OR51B5: variants seen among roughly 807,000 people sequenced by gnomAD.
OR51B5 encodes olfactory receptor 51B5.
For synonymous variants in OR51B5, 186 were observed against 144.8 expected (o/e 1.28, Z -2.04); for missense variants, 456 against 374.6 (o/e 1.22, Z -1.79).
At chr11:5,396,812 G>C (rs1849879507) in intron 1 of OR51B5, among the ~76,000 whole-genome samples, 1 of 152,000 alleles carries the variant, frequency 6.6e-6, no homozygotes, top group African/African-American at 2.4e-5. Flanking sequence ...TATACTACAA[G>C]GCTACAGTAA....
intron 1 of OR51B5, among the ~76,000 whole-genome samples, chr11:5,496,622 G>C (rs938739866): frequency 2.6e-5 from 4 of 152,196 alleles, no homozygotes; most frequent in African/African-American, 9.7e-5. Flanking sequence ...ATCCCAGCAA[G>C]AGGGGGAGCC....
Position 5,497,488 on chromosome 11 carries a change from G to C in OR51B5, n.84+8081C>G, listed in dbSNP as rs141301615. Among the ~76,000 whole-genome samples, 316 of 152,246 alleles carry C rather than the reference G, an allele frequency of 2.1e-3. 1 individual carries two copies. Among genetic ancestry groups the C allele is most frequent in the African/African-American group, 7.3e-3 (302 of 41,534 alleles). ...CACTATTGGTGATGTAGACCCCCAG[G>C]CTCTCTAAGGTTGATTGGGACACTC... On this transcript the variant is annotated intron_variant and non_coding_transcript_variant, in intron 1 of 4. Coordinates refer to the OR51B5 transcript ENST00000415970.
intron 1 of OR51B5, among the ~76,000 whole-genome samples, chr11:5,440,257 C>G (rs770845596): frequency 5.9e-5 from 9 of 152,070 alleles, no homozygotes; most frequent in African/African-American, 2.2e-4. Context: ...TCATTATTCC[C>G]GTATATGTCA....
rs143444369 is a variant in OR51B5 at position 5,490,158 on chromosome 11, C to T, written n.84+15411G>A. Among the ~76,000 whole-genome samples the T allele has an allele frequency of 1.6e-3, 240 of 152,230 alleles. 2 individuals are homozygous for T. The highest frequency in any genetic ancestry group is 2.8e-3 in the Admixed American group (42 of 15,270). ...GAGCATGTTTGAAATGTTTCTGTGCCTCAGTTTGGCCAACTGTTAAATGGG... is the reference window on the plus strand; with the variant it reads ...GAGCATGTTTGAAATGTTTCTGTGCTTCAGTTTGGCCAACTGTTAAATGGG... On this transcript the variant is annotated intron_variant and non_coding_transcript_variant, in intron 1 of 4. Transcript: ENST00000415970.
intron 1 of OR51B5, among the ~76,000 whole-genome samples, chr11:5,479,011 C>A (rs2133806709): frequency 6.6e-6 from 1 of 152,140 alleles, no homozygotes; most frequent in African/African-American, 2.4e-5. Context: ...ATACAGAGAA[C>A]ACCATAAAGA....
At chr11:5,364,341 G>C (rs572958046) in intron 1 of OR51B5, among the ~76,000 whole-genome samples, 3 of 152,104 alleles carry the variant, frequency 2.0e-5, no homozygotes, top group African/African-American at 7.2e-5. Flanking sequence ...TGATATGGAG[G>C]CAAGCCAAAT....
intron 1 of OR51B5, among the ~76,000 whole-genome samples, chr11:5,400,178 C>T (rs1849945393): frequency 6.6e-6 from 1 of 152,176 alleles, no homozygotes; most frequent in Non-Finnish European, 1.5e-5. Context: ...TACATTTTAA[C>T]ATAGCCCACA....
At chr11:5,341,410 G>A (rs1200267477), downstream of OR51B5, 1 of 152,168 alleles carries the variant, frequency 6.6e-6, no homozygotes. Context: ...ATTCACAGGT[G>A]CACAATTCTG....
chr11:5,453,359 G>A, intron 1 of OR51B5: 1 of 579,034 alleles, frequency 1.7e-6, no homozygotes, highest in Non-Finnish European at 2.8e-6. Context: ...GAATGCGTCA[G>A]TTTCCATTTA....
chr11:5,440,591 G>A (rs1257657409), intron 1 of OR51B5: 2 of 1,613,000 alleles, frequency 1.2e-6, no homozygotes, highest in South Asian at 1.1e-5. Flanking sequence ...ATTTATGGAA[G>A]AACTTGAGAA....
chr11:5,475,926 A>G (rs1397920593), intron 1 of OR51B5, among the ~76,000 whole-genome samples: 2 of 152,222 alleles, frequency 1.3e-5, no homozygotes, highest in Non-Finnish European at 2.9e-5. Context: ...ATCTAGATCC[A>G]TAGCAGCCTC....
chr11:5,418,091 T>C (rs1850269430), intron 1 of OR51B5, among the ~76,000 whole-genome samples: 1 of 151,080 alleles, frequency 6.6e-6, no homozygotes, highest in South Asian at 2.1e-4. Flanking sequence ...AATGATGAGT[T>C]CATGTCCTTT....
chr11:5,371,247 C>T (rs1478940664), intron 1 of OR51B5, among the ~76,000 whole-genome samples: 3 of 152,140 alleles, frequency 2.0e-5, no homozygotes, highest in African/African-American at 7.2e-5. Context: ...CAGCACCTTT[C>T]CCCGGATCTA....
intron 1 of OR51B5, among the ~76,000 whole-genome samples, chr11:5,438,643 A>C (rs962783382): frequency 6.6e-6 from 1 of 152,192 alleles, no homozygotes. Context: ...CCATTAAATG[A>C]GGGCATAAGT....
intron 1 of OR51B5, among the ~76,000 whole-genome samples, chr11:5,460,955 G>T (rs1195617980): frequency 6.6e-6 from 1 of 152,186 alleles, no homozygotes. Flanking sequence ...TGCACTGGAG[G>T]GGCCAAGGTG....
At chr11:5,349,318 C>T (rs567832116) in intron 1 of OR51B5, among the ~76,000 whole-genome samples, 2 of 151,732 alleles carry the variant, frequency 1.3e-5, no homozygotes, top group East Asian at 1.9e-4. Context: ...CAGTCCAATA[C>T]TTGACACACG....
intron 1 of OR51B5, among the ~76,000 whole-genome samples, chr11:5,485,323 C>A (rs767920141): frequency 3.3e-5 from 5 of 152,202 alleles, no homozygotes; most frequent in African/African-American, 4.8e-5. Context: ...AGAATTGAGG[C>A]AACGTTCAGA....
At chr11:5,340,864 A>T (rs142092280), downstream of OR51B5, 67 of 152,324 alleles carry the variant, frequency 4.4e-4, 1 homozygote, top group African/African-American at 1.4e-3. Context: ...GAATAAAATA[A>T]GTTGTGGATG....
At chr11:5,343,200 C>T (rs757765819) in exon 1 of OR51B5, 1 of 1,613,668 alleles carries the variant, frequency 6.2e-7, no homozygotes, top group Non-Finnish European at 8.5e-7. Flanking sequence ...ATGCCAGACT[C>T]GAGAAAGGAA....
Sources: allele counts gnomAD v4.1 joint callset (sites outside exome capture counted in the v4.1 genomes callset), GRCh38; gene constraint gnomAD v4.1.1; transcripts MANE v1.5; gene names NCBI Gene and HGNC (gene_info 2026-07-23, HGNC 2026-07-21).